Variants in AEBP2 observed in about 807,000 individuals in gnomAD.
The protein encoded by AEBP2 is AE binding protein 2, also known as zinc finger protein AEBP2.
A neutral mutation model predicts 50.8 loss-of-function variants in AEBP2; 10 were observed. The ratio of observed to expected loss-of-function variants is 0.20; its 90% CI spans 0.12 to 0.33. The LOEUF is 0.33. AEBP2 is among the 10% of genes least tolerant of loss of function. The probability of loss-of-function intolerance (pLI) is 1.00; values close to 1 mark genes in which losing one functional copy is unlikely to be tolerated. For synonymous variants in AEBP2, 296 were observed against 261.3 expected, an observed-to-expected ratio of 1.13 and a Z score of -1.28; for missense variants, 570 against 688.0, an observed-to-expected ratio of 0.83 and a Z score of 1.92.
At chr12:19,461,742 A>G (rs2153370100) in intron 1 of AEBP2, among the ~76,000 whole-genome samples, 2 of 152,202 alleles carry the variant, frequency 1.3e-5, no homozygotes, top group South Asian at 2.1e-4. Flanking sequence ...AACTCCTGGC[A>G]TCAGGTAGTC....
At chr12:19,444,120 T>C (rs1175415519) in intron 1 of AEBP2, among the ~76,000 whole-genome samples, 1 of 152,150 alleles carries the variant, frequency 6.6e-6, no homozygotes, top group East Asian at 1.9e-4. Flanking sequence ...AAAGTTATGC[T>C]CTTAGGTTAA....
intron 1 of AEBP2, 64 bp downstream of exon 1, chr12:19,440,434 G>A (rs1947932241): frequency 6.9e-7 from 1 of 1,441,470 alleles, no homozygotes; most frequent in South Asian, 1.5e-5. Flanking sequence ...CCTCAGAGGG[G>A]GACCAAGGCG....
chr12:19,454,627 G>C lies in AEBP2; in HGVS notation c.672-7883G>C, dbSNP rs577743391. On this transcript the variant is annotated intron_variant, in intron 1 of 7. Coordinates refer to ENST00000266508, the MANE Select transcript of AEBP2 (RefSeq NM_153207.5). ...GTCAATAAATTATGCTTGATTTCAG[G>C]TTATATACTCTAAATCCTTCAAGTC... Among the ~76,000 whole-genome samples, 7 of 152,190 alleles carry C rather than the reference G, an allele frequency of 4.6e-5. No homozygotes were observed. The East Asian group carries it at 1.4e-3, about 29-fold the overall frequency.
chr12:19,489,311 A>G (rs1249020263), intron 3 of AEBP2, among the ~76,000 whole-genome samples: 1 of 152,240 alleles, frequency 6.6e-6, no homozygotes, highest in Admixed American at 6.5e-5. Context: ...TCTTCTTCAC[A>G]AGGTGGTGGC....
intron 2 of AEBP2, 29 bp downstream of exon 2, chr12:19,462,746 C>T (rs1033269900): frequency 4.5e-6 from 7 of 1,552,614 alleles, no homozygotes; most frequent in South Asian, 3.6e-5. Context: ...TTTTTTCGCT[C>T]CCTGTTTTCG....
intron 5 of AEBP2, among the ~76,000 whole-genome samples, chr12:19,504,965 C>G (rs1308198414): frequency 1.3e-5 from 2 of 152,142 alleles, no homozygotes; most frequent in African/African-American, 4.8e-5. Flanking sequence ...GGAAAGGAGA[C>G]TTTTTCTGAG....
chr12:19,480,939 G>A (rs11044596), intron 3 of AEBP2, among the ~76,000 whole-genome samples: 1 of 151,978 alleles, frequency 6.6e-6, no homozygotes, highest in African/African-American at 2.4e-5. Context: ...CTTAGGTTTG[G>A]TTGTTTGATG....
Position 19,483,003 on chromosome 12 carries a change from G to A in AEBP2, c.987+9648G>A, listed in dbSNP as rs373372692. Among the ~76,000 whole-genome samples the A allele has an allele frequency of 5.9e-5, 9 of 152,216 alleles. No homozygotes were observed. The East Asian group carries it at 7.7e-4, about 13-fold the overall frequency. On this transcript the variant is annotated intron_variant, in intron 3 of 7. Transcript: ENST00000266508. ...TGAGAAAGCAAGGCCTTCAGACCTCGCCCCTCCCCGTCTGCCTACTCTGTC... is the reference window on the plus strand; with the variant it reads ...TGAGAAAGCAAGGCCTTCAGACCTCACCCCTCCCCGTCTGCCTACTCTGTC...
intron 3 of AEBP2, among the ~76,000 whole-genome samples, chr12:19,479,106 G>A (rs926269256): frequency 6.6e-6 from 1 of 152,142 alleles, no homozygotes; most frequent in Non-Finnish European, 1.5e-5. Flanking sequence ...CTATGCGGGA[G>A]GCTGAAGTGG....
In AEBP2 at chr12:19,439,727, G is replaced by A; in HGVS notation, c.28G>A (p.Asp10Asn). The A allele has an allele frequency of 2.0e-6, 3 of 1,518,010 alleles. No homozygotes were observed. Among genetic ancestry groups the A allele is most frequent in the Non-Finnish European group, 2.6e-6 (3 of 1,139,250 alleles). The allele number at this position is 1,518,010 out of a possible 1,614,324, so 94.0% of individuals were successfully genotyped here. MAAAITDMA[D>N]LEELSRLSPL... ...GGCCGCCGCTATCACCGACATGGCC[G>A]ACCTGGAGGAGCTCTCCCGCCTGAG... Residue 10 changes from aspartate (D) to asparagine (N), a missense_variant, in exon 1 of 8, where the codon GAC becomes AAC. By Grantham distance (23) the Asp-to-Asn change is conservative. Coordinates refer to ENST00000266508, the MANE Select transcript of AEBP2 (RefSeq NM_153207.5).
At chr12:19,507,384 C>T (rs919926857) in intron 5 of AEBP2, among the ~76,000 whole-genome samples, 3 of 151,624 alleles carry the variant, frequency 2.0e-5, no homozygotes, top group Non-Finnish European at 2.9e-5. Context: ...AGCGATGGCT[C>T]CAAAAGAAGG....
intron 1 of AEBP2, among the ~76,000 whole-genome samples, chr12:19,453,027 A>G (rs1448416513): frequency 1.5e-5 from 2 of 132,532 alleles, no homozygotes; most frequent in African/African-American, 5.7e-5. Flanking sequence ...ATGCAGTAGT[A>G]GCATGATCTC....
chr12:19,442,469 C>T (rs1206213921), intron 1 of AEBP2, among the ~76,000 whole-genome samples: 1 of 152,182 alleles, frequency 6.6e-6, no homozygotes, highest in Admixed American at 6.5e-5. Flanking sequence ...TTTACTACAT[C>T]ACTTCAGGAG....
intron 2 of AEBP2, among the ~76,000 whole-genome samples, chr12:19,469,227 A>C (rs1002356157): frequency 4.6e-5 from 7 of 152,286 alleles, no homozygotes; most frequent in Admixed American, 3.9e-4. Context: ...CACCTGGCCC[A>C]AAAATATTCT....
At chr12:19,489,510 A>G (rs897581485) in intron 3 of AEBP2, among the ~76,000 whole-genome samples, 1 of 152,244 alleles carries the variant, frequency 6.6e-6, no homozygotes, top group Admixed American at 6.5e-5. Flanking sequence ...GCCAAACCAT[A>G]TCAGTGTTCA....
chr12:19,493,128 C>G (rs1259939475), intron 3 of AEBP2, among the ~76,000 whole-genome samples: 1 of 152,110 alleles, frequency 6.6e-6, no homozygotes, highest in Non-Finnish European at 1.5e-5. Context: ...TCCAGAAATA[C>G]AGCTGGCTTA....
chr12:19,411,530 AG>A (rs1274476830), intron 1 of AEBP2, among the ~76,000 whole-genome samples: 36 of 150,982 alleles, frequency 2.4e-4, no homozygotes, highest in Admixed American at 2.2e-3. Flanking sequence ...CATCTCTAAA[AG>A]GGGATTTTAC....
intron 7 of AEBP2, among the ~76,000 whole-genome samples, chr12:19,516,517 T>G (rs79968241): frequency 6.6e-6 from 1 of 152,158 alleles, no homozygotes; most frequent in Admixed American, 6.5e-5. Context: ...TCTGTTCTTA[T>G]GCCATATAGG....
intron 1 of AEBP2, among the ~76,000 whole-genome samples, chr12:19,441,054 G>T (rs1472524515): frequency 6.6e-6 from 1 of 152,130 alleles, no homozygotes; most frequent in Non-Finnish European, 1.5e-5. Flanking sequence ...GGCCTTTTAA[G>T]ATAACTTTGC....
Sources: allele counts gnomAD v4.1 joint callset (sites outside exome capture counted in the v4.1 genomes callset), GRCh38; gene constraint gnomAD v4.1.1; transcripts MANE v1.5; gene names NCBI Gene and HGNC (gene_info 2026-07-23, HGNC 2026-07-21).